ELAVL2: variants seen among roughly 807,000 people sequenced by gnomAD.
ELAVL2 encodes ELAV-like protein 2.
In ELAVL2, 4 loss-of-function variants were observed where a neutral mutation model predicts 34.6. The observed-to-expected ratio is 0.12, with a 90% CI of 0.06 to 0.26. ELAVL2 has a LOEUF of 0.26. ELAVL2 is among the 10% of genes least tolerant of loss of function. The probability of loss-of-function intolerance (pLI) is 1.00; values close to 1 mark genes in which losing one functional copy is unlikely to be tolerated. For synonymous variants in ELAVL2, 193 were observed against 154.8 expected (o/e 1.25, Z -1.83); for missense variants, 432 against 442.8 (o/e 0.98, Z 0.22).
At chr9:23,841,949 A>G in the ELAVL2 span, among the ~76,000 whole-genome samples, 2 of 152,180 alleles carry the variant, frequency 1.3e-5, no homozygotes, top group Non-Finnish European at 2.9e-5. Flanking sequence ...ATGATTCTCG[A>G]AAGTTTCAAA....
the ELAVL2 span, among the ~76,000 whole-genome samples, chr9:23,842,625 G>T: frequency 6.6e-6 from 1 of 151,860 alleles, no homozygotes; most frequent in Non-Finnish European, 1.5e-5. Flanking sequence ...GTGCTTCTTA[G>T]TGGATACTAA....
At chr9:23,841,154 A>T in the ELAVL2 span, among the ~76,000 whole-genome samples, 1 of 152,122 alleles carries the variant, frequency 6.6e-6, no homozygotes, top group Admixed American at 6.6e-5. Flanking sequence ...GGGTATTAGC[A>T]ATGTCAGTAG....
Position 23,811,430 on chromosome 9 carries a change from T to C in ELAVL2, c.-16+14376A>G, listed in dbSNP as rs149460202. ...ACCAAGCACTGGCATGAGAAAGCCA[T>C]AGTCAGCAGCCCAGACAACACATGC... is the stretch of plus-strand genomic sequence containing the variant. On this transcript the variant is annotated intron_variant, in intron 1 of 6. Coordinates refer to ENST00000397312, the MANE Select transcript of ELAVL2 (RefSeq NM_004432.5). Among the ~76,000 whole-genome samples, 25 of 151,816 alleles carry C rather than the reference T, an allele frequency of 1.6e-4. No homozygotes were observed. In the East Asian group the frequency reaches 4.1e-3, roughly 25 times the overall value.
At chr9:23,781,306 TC>T (rs1252667981) in intron 1 of ELAVL2, among the ~76,000 whole-genome samples, 1 of 152,170 alleles carries the variant, frequency 6.6e-6, no homozygotes, top group Non-Finnish European at 1.5e-5. Flanking sequence ...ACTGCCATTA[TC>T]ACTGCAACCT....
the ELAVL2 span, among the ~76,000 whole-genome samples, chr9:23,848,620 G>A: frequency 6.6e-6 from 1 of 152,030 alleles, no homozygotes; most frequent in East Asian, 1.9e-4. Flanking sequence ...TAAAATATAT[G>A]CCCGCTAAAA....
chr9:23,727,445 CAG>C (rs1404097709), intron 3 of ELAVL2, among the ~76,000 whole-genome samples: 1 of 152,148 alleles, frequency 6.6e-6, no homozygotes, highest in East Asian at 1.9e-4. Context: ...TTTTGGTTAA[CAG>C]AATGAACCAC....
chr9:23,816,783 A>G (rs921466145), intron 1 of ELAVL2, among the ~76,000 whole-genome samples: 36 of 152,306 alleles, frequency 2.4e-4, no homozygotes, highest in African/African-American at 8.2e-4. Context: ...AAAAATGGAT[A>G]CTCTGTGTTG....
intron 1 of ELAVL2, among the ~76,000 whole-genome samples, chr9:23,766,698 A>G (rs1016932401): frequency 1.3e-5 from 2 of 152,124 alleles, no homozygotes; most frequent in Non-Finnish European, 2.9e-5. Flanking sequence ...CGCTTGAGGC[A>G]GACACATACC....
chr9:23,795,954 G>T (rs1006904491), intron 1 of ELAVL2, among the ~76,000 whole-genome samples: 1 of 152,160 alleles, frequency 6.6e-6, no homozygotes, highest in Non-Finnish European at 1.5e-5. Flanking sequence ...TGCATAAGTG[G>T]ATGTTTAAAT....
intron 1 of ELAVL2, among the ~76,000 whole-genome samples, chr9:23,797,189 T>C (rs2061033515): frequency 6.6e-6 from 1 of 152,166 alleles, no homozygotes; most frequent in African/African-American, 2.4e-5. Context: ...AAATCCAGAA[T>C]GAATCCTACT....
At position 23,759,435 on chromosome 9, in the gene ELAVL2, G is replaced by C. The variant is rs1472397490; in HGVS notation, c.229+2571C>G. Among the ~76,000 whole-genome samples the C allele has an allele frequency of 2.0e-5, 3 of 151,832 alleles. No homozygotes were observed. The Admixed American group carries it at 2.0e-4, about 10-fold the overall frequency. On this transcript the variant is annotated intron_variant, in intron 2 of 6. Coordinates refer to ENST00000397312, the MANE Select transcript of ELAVL2 (RefSeq NM_004432.5). ...GAGGAAGGAAGGAGGGGGCCAGATG[G>C]TTAATGAGTACAGGGTCACTGTTAA...
At chr9:23,721,768 A>G (rs1488361873) in intron 3 of ELAVL2, among the ~76,000 whole-genome samples, 2 of 152,098 alleles carry the variant, frequency 1.3e-5, no homozygotes, top group African/African-American at 4.8e-5. Flanking sequence ...CTTAATGAAC[A>G]GTAAATATAT....
intron 1 of ELAVL2, among the ~76,000 whole-genome samples, chr9:23,781,092 A>C (rs2058999697): frequency 6.6e-6 from 1 of 152,220 alleles, no homozygotes; most frequent in Admixed American, 6.5e-5. Flanking sequence ...TCATCTATTA[A>C]GAACAGATTT....
intron 5 of ELAVL2, among the ~76,000 whole-genome samples, chr9:23,697,536 GC>G (rs2035681835): frequency 6.6e-6 from 1 of 151,920 alleles, no homozygotes; most frequent in Admixed American, 6.6e-5. Flanking sequence ...AATAGCACAC[GC>G]CCATGTACAT....
At chr9:23,730,082 C>G (rs2046176059) in intron 3 of ELAVL2, among the ~76,000 whole-genome samples, 1 of 152,060 alleles carries the variant, frequency 6.6e-6, no homozygotes, top group Non-Finnish European at 1.5e-5. Context: ...GGAGCCACAT[C>G]TAGACTCTGT....
chr9:23,814,965 T>C (rs2063509267), intron 1 of ELAVL2, among the ~76,000 whole-genome samples: 1 of 151,642 alleles, frequency 6.6e-6, no homozygotes, highest in Non-Finnish European at 1.5e-5. Context: ...ATAAAAAAAG[T>C]GCTAAACATC....
intron 1 of ELAVL2, among the ~76,000 whole-genome samples, chr9:23,768,914 T>G (rs1480487549): frequency 2.0e-5 from 3 of 152,178 alleles, no homozygotes; most frequent in African/African-American, 4.8e-5. Flanking sequence ...TAGAAAAGTT[T>G]AGGCAAACAG....
chr9:23,698,174 C>T (rs2035923412), intron 5 of ELAVL2, among the ~76,000 whole-genome samples: 1 of 152,108 alleles, frequency 6.6e-6, no homozygotes, highest in Admixed American at 6.5e-5. Context: ...AAAATTATAG[C>T]TGTTTCACAG....
At position 23,715,727 on chromosome 9, in the gene ELAVL2, T is replaced by C. The variant is rs570255669; in HGVS notation, c.334-10656A>G. Among the ~76,000 whole-genome samples the C allele has an allele frequency of 6.6e-5, 10 of 152,300 alleles. No homozygotes were observed. In the East Asian group the frequency reaches 1.9e-3, roughly 29 times the overall value. Reference sequence around the variant, plus strand: ...TCCAAAAATGTACTTAAGATATAATTTGTGTAGTATCTGAATGTCTAGTAT... The same window carrying C: ...TCCAAAAATGTACTTAAGATATAATCTGTGTAGTATCTGAATGTCTAGTAT... On this transcript the variant is annotated intron_variant, in intron 3 of 6. Transcript: ENST00000397312.
Sources: allele counts gnomAD v4.1 joint callset (sites outside exome capture counted in the v4.1 genomes callset), GRCh38; gene constraint gnomAD v4.1.1; transcripts MANE v1.5; gene names NCBI Gene and HGNC (gene_info 2026-07-23, HGNC 2026-07-21).